The following CUX1 variants were observed in gnomAD, a reference collection of about 807,000 sequenced individuals.
CUX1 encodes the protein protein CASP.
In CUX1, 31 loss-of-function variants were observed where a neutral mutation model predicts 158.8. The observed-to-expected ratio is 0.20, with a 90% CI of 0.15 to 0.26. The LOEUF is 0.26. CUX1 is among the 10% of genes least tolerant of loss of function. The pLI, the probability that CUX1 is intolerant of heterozygous loss-of-function variation, is 1.00. For missense variants in CUX1, 1,589 were observed against 2,014.6 expected, an observed-to-expected ratio of 0.79 and a Z score of 4.04; for synonymous variants, 879 against 862.1, an observed-to-expected ratio of 1.02 and a Z score of -0.34.
intron 18 of CUX1, among the ~76,000 whole-genome samples, chr7:102,278,645 A>T (rs1442423191): frequency 1.1e-5 from 1 of 87,402 alleles, no homozygotes; most frequent in Non-Finnish European, 2.3e-5. Context: ...AAAATAAAAT[A>T]AAATAAAATA....
intron 1 of CUX1, chr7:101,822,202 A>G (rs924713427): frequency 9.9e-5 from 15 of 152,064 alleles, no homozygotes; most frequent in East Asian, 5.8e-4. Context: ...TGACTGTGTT[A>G]TTTGACCCAT....
chr7:102,049,244 G>A (rs1017987383), intron 3 of CUX1, among the ~76,000 whole-genome samples: 1 of 152,158 alleles, frequency 6.6e-6, no homozygotes, highest in Non-Finnish European at 1.5e-5. Context: ...CAGCCCTTTG[G>A]GCAGATGAAG....
chr7:102,135,269 C>G (rs1416219472), intron 8 of CUX1, among the ~76,000 whole-genome samples: 1 of 152,078 alleles, frequency 6.6e-6, no homozygotes, highest in African/African-American at 2.4e-5. Context: ...CAATATTCTT[C>G]CAATAAAGTA....
intron 3 of CUX1, among the ~76,000 whole-genome samples, chr7:102,032,984 C>G (rs537556389): frequency 6.6e-6 from 1 of 152,276 alleles, no homozygotes; most frequent in East Asian, 1.9e-4. Context: ...TGCTTCTCTC[C>G]CTGAGAAGGG....
chr7:101,817,600 G>A, upstream of CUX1: 2 of 1,533,766 alleles, frequency 1.3e-6, no homozygotes, highest in Non-Finnish European at 1.8e-6. This position sits in a 1 kb window ranked among gnomAD's most constrained non-coding sequence, Gnocchi z 4.1. Flanking sequence ...CCAGCTCGGC[G>A]CCCGCGGCGC....
chr7:102,083,388 C>T (rs1413145039), intron 4 of CUX1, among the ~76,000 whole-genome samples: 1 of 147,116 alleles, frequency 6.8e-6, no homozygotes, highest in Non-Finnish European at 1.5e-5. Flanking sequence ...CTCACTACAG[C>T]CTCAGTCTTC....
At chr7:102,232,080 T>C (rs2132410614) in intron 21 of CUX1, among the ~76,000 whole-genome samples, 1 of 152,192 alleles carries the variant, frequency 6.6e-6, no homozygotes, top group East Asian at 1.9e-4. Flanking sequence ...GGCTAAAGAG[T>C]TTGAAAAGCA....
At chr7:101,818,672 C>T (rs958314791) in intron 1 of CUX1, among the ~76,000 whole-genome samples, 38 of 152,256 alleles carry the variant, frequency 2.5e-4, no homozygotes, top group African/African-American at 9.1e-4. Context: ...TGGTTGCTAA[C>T]GATTTGGCCT....
At chr7:102,011,438 C>T (rs1818003079) in intron 2 of CUX1, among the ~76,000 whole-genome samples, 1 of 151,812 alleles carries the variant, frequency 6.6e-6, no homozygotes, top group African/African-American at 2.4e-5. Flanking sequence ...ATGGTCTCTT[C>T]TGCTTGCTTG....
In CUX1 at chr7:101,991,715, C is replaced by T. The variant is rs140939538; in HGVS notation, c.142-36383C>T. 5.7e-3 allele frequency among the ~76,000 whole-genome samples: 852 copies of T among 149,978 alleles called. 8 individuals are homozygous for T. Among genetic ancestry groups the T allele is most frequent in the African/African-American group, 0.02 (824 of 40,664 alleles). On this transcript the variant is annotated intron_variant, in intron 2 of 23. Coordinates refer to ENST00000292535, the MANE Select transcript of CUX1 (RefSeq NM_181552.4). ...CAGAGGTTGCAGTGAGCTGAGATCG[C>T]GCCACTGCACTTCAGCCTGGGGAAC...
chr7:101,932,145 T>C (rs1435930932), intron 2 of CUX1, among the ~76,000 whole-genome samples: 1 of 152,244 alleles, frequency 6.6e-6, no homozygotes, highest in Non-Finnish European at 1.5e-5. Flanking sequence ...CATAGGTGGC[T>C]GTGATTAAGA....
chr7:101,894,372 G>A (rs764091854), intron 1 of CUX1, among the ~76,000 whole-genome samples: 6 of 152,214 alleles, frequency 3.9e-5, no homozygotes, highest in Non-Finnish European at 7.3e-5. Flanking sequence ...GGAGTGCAGC[G>A]GCACGATCTC....
At chr7:102,110,923 C>T (rs1263311122) in intron 6 of CUX1, among the ~76,000 whole-genome samples, 4 of 152,082 alleles carry the variant, frequency 2.6e-5, no homozygotes, top group Non-Finnish European at 1.5e-5. Flanking sequence ...TTGATTACAT[C>T]CCTGAGTGTC....
At chr7:102,173,066 A>T (rs1791909279) in intron 10 of CUX1, among the ~76,000 whole-genome samples, 1 of 152,008 alleles carries the variant, frequency 6.6e-6, no homozygotes, top group South Asian at 2.1e-4. Context: ...GTCTCCAAAA[A>T]AGTAAATATG....
chr7:101,926,626 C>A (rs532356165), intron 2 of CUX1, among the ~76,000 whole-genome samples: 7 of 152,260 alleles, frequency 4.6e-5, no homozygotes, highest in Admixed American at 2.6e-4. Flanking sequence ...AAAAAACATA[C>A]CCTGCCTACT....
At chr7:102,231,572 T>C (rs1480885827) in intron 21 of CUX1, among the ~76,000 whole-genome samples, 1 of 152,096 alleles carries the variant, frequency 6.6e-6, no homozygotes, top group Non-Finnish European at 1.5e-5. Flanking sequence ...GGAATAATCA[T>C]CTGATTTTTT....
chr7:102,162,171 A>G (rs782180573), intron 9 of CUX1, among the ~76,000 whole-genome samples: 5 of 152,124 alleles, frequency 3.3e-5, no homozygotes, highest in Non-Finnish European at 5.9e-5. Context: ...CTGTCCTTGT[A>G]GTTCTCAAGA....
chr7:102,253,097 A>C lies in CUX1; in HGVS notation c.*4055A>C. 1.0e-6 allele frequency: 1 copy of C among 985,274 alleles called. No homozygotes were observed. The highest frequency in any genetic ancestry group is 1.2e-6 in the Non-Finnish European group (1 of 829,928). 61.0% of individuals were successfully genotyped at this position (985,274 alleles called of 1,614,324 possible). On this transcript the variant is annotated 3_prime_UTR_variant, in exon 24 of 24. Coordinates refer to ENST00000292535, the MANE Select transcript of CUX1 (RefSeq NM_181552.4). ...TCCCTTGTACCTCCAAAGTACAAATACCTCCCTGCTCAGTTTCCTTCCTGT... is the reference window on the plus strand; with the variant it reads ...TCCCTTGTACCTCCAAAGTACAAATCCCTCCCTGCTCAGTTTCCTTCCTGT...
chr7:102,282,940 A>G, intron 22 of CUX1: 1 of 806,314 alleles, frequency 1.2e-6, no homozygotes, highest in Non-Finnish European at 1.9e-6. Flanking sequence ...ACTACCCCCT[A>G]GCCCCACCCC....
Sources: gnomAD v4.1 joint callset for allele counts (sites outside exome capture counted in the v4.1 genomes callset) on GRCh38, gnomAD v4.1.1 for gene constraint, Gnocchi (gnomAD v3.1) non-coding constraint, MANE v1.5 for transcripts, NCBI Gene and HGNC (gene_info 2026-07-23, HGNC 2026-07-21) for gene names.